The following ZC3H12B variants were observed in gnomAD, a reference collection of about 807,000 sequenced individuals.
The protein encoded by ZC3H12B is probable ribonuclease ZC3H12B.
Under a neutral mutation model 43.9 loss-of-function variants are expected in ZC3H12B, and 7 were observed. That is an observed-to-expected ratio of 0.16 (90% confidence interval 0.09 to 0.30). ZC3H12B has a LOEUF of 0.30. ZC3H12B is among the 10% of genes least tolerant of loss of function. ZC3H12B has a pLI of 1.00. For synonymous variants in ZC3H12B, 222 were observed against 241.7 expected, an observed-to-expected ratio of 0.92 and a Z score of 0.76; for missense variants, 475 against 670.2, an observed-to-expected ratio of 0.71 and a Z score of 3.22.
intron 2 of ZC3H12B, among the ~76,000 whole-genome samples, chrX:65,370,488 T>C (rs2066230250): frequency 8.9e-6 from 1 of 112,218 alleles, no homozygotes; most frequent in East Asian, 2.8e-4. Context: ...CATTCTATCA[T>C]AATGTGAGGA....
the ZC3H12B span, among the ~76,000 whole-genome samples, chrX:65,102,646 A>G: frequency 8.9e-6 from 1 of 112,074 alleles, no homozygotes; most frequent in Non-Finnish European, 1.9e-5. Context: ...ATTGCTACAA[A>G]GAGAGTAAAA....
chrX:65,406,979 C>T (rs1266450657), intron 3 of ZC3H12B, among the ~76,000 whole-genome samples: 1 of 112,668 alleles, frequency 8.9e-6, no homozygotes, highest in Non-Finnish European at 1.9e-5. Flanking sequence ...CTGTTTCTCC[C>T]ACCATCTCGT....
the ZC3H12B span, among the ~76,000 whole-genome samples, chrX:65,299,270 AT>A: frequency 8.9e-6 from 1 of 112,029 alleles, no homozygotes; most frequent in African/African-American, 3.2e-5. Context: ...AGAAAGGAAT[AT>A]TTTTTAATTC....
the ZC3H12B span, among the ~76,000 whole-genome samples, chrX:65,257,882 A>C: frequency 2.7e-5 from 3 of 111,418 alleles, no homozygotes; most frequent in African/African-American, 9.8e-5. Context: ...AAATTGAATC[A>C]GTAATAAAAA....
intron 3 of ZC3H12B, among the ~76,000 whole-genome samples, chrX:65,461,566 G>A (rs2067747604): frequency 9.0e-6 from 1 of 111,728 alleles, no homozygotes; most frequent in African/African-American, 3.3e-5. Context: ...CAGGGATGAA[G>A]CTGGAAACCA....
chrX:65,370,566 G>A (rs960724555), intron 2 of ZC3H12B, among the ~76,000 whole-genome samples: 5 of 111,948 alleles, frequency 4.5e-5, no homozygotes, highest in Non-Finnish European at 5.6e-5. Context: ...TTTTCTATTT[G>A]TTGCTCCAGC....
At chrX:65,118,595 C>T in the ZC3H12B span, among the ~76,000 whole-genome samples, 1 of 111,136 alleles carries the variant, frequency 9.0e-6, no homozygotes, top group East Asian at 2.8e-4. Flanking sequence ...ACTTCCAACA[C>T]TATGTTGAAT....
intron 3 of ZC3H12B, among the ~76,000 whole-genome samples, chrX:65,475,231 T>A (rs775024720): frequency 8.9e-6 from 1 of 112,061 alleles, no homozygotes; most frequent in East Asian, 2.8e-4. Flanking sequence ...ACCATTACAT[T>A]GTTGCATTAA....
chrX:65,271,900 C>T, the ZC3H12B span: 8 of 145,080 alleles, frequency 5.5e-5, no homozygotes, highest in Non-Finnish European at 1.0e-4. Flanking sequence ...GACTTACCCA[C>T]GTGGAACAAG....
chrX:65,139,199 C>A, the ZC3H12B span, among the ~76,000 whole-genome samples: 1 of 112,050 alleles, frequency 8.9e-6, no homozygotes, highest in Non-Finnish European at 1.9e-5. Context: ...TCTATGTTAT[C>A]TTCCATTACT....
At chrX:65,319,370 A>G in the ZC3H12B span, among the ~76,000 whole-genome samples, 6 of 112,073 alleles carry the variant, frequency 5.4e-5, no homozygotes, top group African/African-American at 1.9e-4. Flanking sequence ...CCAAGATTGA[A>G]CCAGCAAGAG....
At chrX:65,339,106 C>T in the ZC3H12B span, among the ~76,000 whole-genome samples, 10 of 111,768 alleles carry the variant, frequency 8.9e-5, no homozygotes, top group East Asian at 2.5e-3. Flanking sequence ...AAAGAAACCC[C>T]TAAAGACTAC....
chrX:65,414,412 A>G (rs2066937462), intron 3 of ZC3H12B, among the ~76,000 whole-genome samples: 2 of 111,327 alleles, frequency 1.8e-5, no homozygotes, highest in Non-Finnish European at 3.8e-5. Context: ...TAGTTGGTTT[A>G]TGGTGGTGTT....
chrX:65,173,135 C>A, the ZC3H12B span, among the ~76,000 whole-genome samples: 50 of 111,461 alleles, frequency 4.5e-4, no homozygotes, highest in African/African-American at 1.6e-3. Flanking sequence ...GACGTCCTTC[C>A]TGTGCCTTGT....
chrX:65,165,853 T>A, the ZC3H12B span, among the ~76,000 whole-genome samples: 2 of 112,076 alleles, frequency 1.8e-5, no homozygotes, highest in African/African-American at 3.2e-5. Flanking sequence ...TGGTTCTAGA[T>A]CCTTCAGGAA....
At chrX:65,357,804 C>A in the ZC3H12B span, among the ~76,000 whole-genome samples, 1 of 111,560 alleles carries the variant, frequency 9.0e-6, no homozygotes, top group Non-Finnish European at 1.9e-5. Flanking sequence ...AAATAACCAG[C>A]TAGCATCATA....
chrX:65,437,577 A>G (rs1029152350), intron 3 of ZC3H12B, among the ~76,000 whole-genome samples: 3 of 112,054 alleles, frequency 2.7e-5, no homozygotes, highest in Non-Finnish European at 5.6e-5. Flanking sequence ...TCTTTTGCCT[A>G]ATTTTTAATT....
chrX:65,258,968 A>G, the ZC3H12B span, among the ~76,000 whole-genome samples: 1 of 112,146 alleles, frequency 8.9e-6, no homozygotes, highest in Non-Finnish European at 1.9e-5. Context: ...GGAAGAATCT[A>G]TATCATTAAA....
At chrX:65,181,509 A>T in the ZC3H12B span, among the ~76,000 whole-genome samples, 2 of 111,878 alleles carry the variant, frequency 1.8e-5, no homozygotes, top group African/African-American at 6.5e-5. Flanking sequence ...TATCCATCTG[A>T]AAAAGGTCTA....
Sources: allele counts gnomAD v4.1 joint callset (sites outside exome capture counted in the v4.1 genomes callset), GRCh38; gene constraint gnomAD v4.1.1; transcripts MANE v1.5; gene names NCBI Gene and HGNC (gene_info 2026-07-23, HGNC 2026-07-21).